The following NRXN3 variants were observed in gnomAD, a reference collection of about 807,000 sequenced individuals.
NRXN3 encodes the protein neurexin 3, also known as neurexin III.
NRXN3 carries 32 observed loss-of-function variants against 137.6 expected under a neutral mutation model. The observed-to-expected ratio is 0.23, with a 90% CI of 0.18 to 0.31. The LOEUF is 0.31. NRXN3 is among the 10% of genes least tolerant of loss of function. The probability of loss-of-function intolerance (pLI) is 1.00; values close to 1 mark genes in which losing one functional copy is unlikely to be tolerated. For synonymous variants in NRXN3, 798 were observed against 784.5 expected, an observed-to-expected ratio of 1.02 and a Z score of -0.29; for missense variants, 1,574 against 2,062.5, an observed-to-expected ratio of 0.76 and a Z score of 4.59.
At chr14:79,412,545 G>C (rs1268416595) in intron 15 of NRXN3, among the ~76,000 whole-genome samples, 1 of 151,866 alleles carries the variant, frequency 6.6e-6, no homozygotes, top group Non-Finnish European at 1.5e-5. Flanking sequence ...TTGGGAGGCT[G>C]AGGTGGGTGG....
chr14:78,836,737 ATTACTT>A (rs375983598), intron 10 of NRXN3, among the ~76,000 whole-genome samples: 1 of 152,296 alleles, frequency 6.6e-6, no homozygotes, highest in East Asian at 1.9e-4. Context: ...TTGCTGCACA[ATTACTT>A]TTATGTATAA....
intron 4 of NRXN3, among the ~76,000 whole-genome samples, chr14:78,298,288 T>G (rs188611413): frequency 2.9e-4 from 44 of 152,364 alleles, no homozygotes; most frequent in Non-Finnish European, 5.3e-4. Flanking sequence ...TGAATTTCCC[T>G]CTGCTTTTTG....
At chr14:79,711,040 A>G (rs1237042816) in intron 19 of NRXN3, among the ~76,000 whole-genome samples, 1 of 152,246 alleles carries the variant, frequency 6.6e-6, no homozygotes, top group African/African-American at 2.4e-5. Context: ...TTCCAAGAAT[A>G]GGGTCTTTAA....
At chr14:78,805,514 C>CA (rs1197455898) in intron 9 of NRXN3, among the ~76,000 whole-genome samples, 1 of 151,276 alleles carries the variant, frequency 6.6e-6, no homozygotes, top group Non-Finnish European at 1.5e-5. Flanking sequence ...ATCCCTGCAC[C>CA]ATCCTACCCA....
chr14:79,719,402 G>GTATATATATGTGTGTGTATATATATATA (rs5741998), intron 19 of NRXN3, among the ~76,000 whole-genome samples: 5 of 142,312 alleles, frequency 3.5e-5, no homozygotes, highest in East Asian at 4.1e-4. Flanking sequence ...ATATATGTGT[G>GTATATATATGTGTGTGTATATATATATA]TATATATATA....
rs190453235 is a variant in NRXN3 at position 79,430,919 on chromosome 14, T to C, written c.3263-36302T>C. 1.4e-3 allele frequency among the ~76,000 whole-genome samples: 220 copies of C among 152,304 alleles called. 1 individual carries two copies. The Middle Eastern group carries it at 0.017, about 12-fold the overall frequency. ...ATTCTGCTGCTTTTATTTTTGAGAA[T>C]CATTTTAACTTACAAACACATATTA... On this transcript the variant is annotated intron_variant, in intron 15 of 20. Coordinates refer to ENST00000335750, the MANE Select transcript of NRXN3 (RefSeq NM_001330195.2).
chr14:78,300,120 T>A (rs908057252), intron 4 of NRXN3, among the ~76,000 whole-genome samples: 17 of 152,262 alleles, frequency 1.1e-4, no homozygotes, highest in African/African-American at 4.1e-4. Context: ...TTCTGTCTGG[T>A]TTCTGCTGAA....
At chr14:78,943,621 AATATATATATATATAT>A (rs60429358) in intron 10 of NRXN3, among the ~76,000 whole-genome samples, 69 of 27,854 alleles carry the variant, frequency 2.5e-3, no homozygotes, top group Non-Finnish European at 2.9e-3. Context: ...AAAAAAAAAA[AATATATATATATATAT>A]ATATATATAT....
rs138024182 is a variant in NRXN3 at position 78,387,033 on chromosome 14, G to A, written c.757+89173G>A. ...CTGACTCAAATGATCCACCCTCCTC[G>A]GCCTCCCAAAATGCTGGGATTACAG... On this transcript the variant is annotated intron_variant, in intron 4 of 20. Coordinates refer to ENST00000335750, the MANE Select transcript of NRXN3 (RefSeq NM_001330195.2). Among the ~76,000 whole-genome samples, 825 of 151,982 alleles carry A rather than the reference G, an allele frequency of 5.4e-3. 7 individuals are homozygous for A. The highest frequency in any genetic ancestry group is 0.019 in the African/African-American group (801 of 41,444).
rs1296291005 is a variant in NRXN3 at position 79,866,215 on chromosome 14, C to T, written c.*4251C>T. The T allele has an allele frequency of 6.6e-6, 1 of 152,124 alleles. No homozygotes were observed. Among genetic ancestry groups the T allele is most frequent in the East Asian group, 1.9e-4 (1 of 5,190 alleles). The allele number at this position is 152,124 out of a possible 1,614,324, so 9.4% of individuals were successfully genotyped here. On this transcript the variant is annotated 3_prime_UTR_variant, in exon 21 of 21. Coordinates refer to ENST00000335750, the MANE Select transcript of NRXN3 (RefSeq NM_001330195.2). ...AAGCCCTGTGTTTGTCCCAGTTGAA[C>T]TAATATCTTGATTATATAGTTTAAG...
At chr14:78,572,922 C>T (rs1489697437) in intron 4 of NRXN3, among the ~76,000 whole-genome samples, 1 of 152,128 alleles carries the variant, frequency 6.6e-6, no homozygotes, top group Non-Finnish European at 1.5e-5. Context: ...TGTGTCCCTA[C>T]CCAAATCTCA....
chr14:79,835,445 A>G (rs1251438456), intron 20 of NRXN3, among the ~76,000 whole-genome samples: 1 of 152,194 alleles, frequency 6.6e-6, no homozygotes, highest in Non-Finnish European at 1.5e-5. Flanking sequence ...TTAATGATAT[A>G]TAAGAATAAT....
chr14:78,912,756 T>C (rs2099242652), intron 10 of NRXN3, among the ~76,000 whole-genome samples: 6 of 152,188 alleles, frequency 3.9e-5, no homozygotes, highest in Admixed American at 3.9e-4. Context: ...GCTTGGAGTT[T>C]CTGAGTGGTT....
intron 4 of NRXN3, among the ~76,000 whole-genome samples, chr14:78,626,753 G>A (rs1300944414): frequency 1.3e-5 from 2 of 152,178 alleles, no homozygotes; most frequent in African/African-American, 4.8e-5. Context: ...AGGAGGCCAG[G>A]TGGTTGGCTC....
intron 14 of NRXN3, among the ~76,000 whole-genome samples, chr14:78,971,177 C>T (rs1388161452): frequency 6.6e-6 from 1 of 152,080 alleles, no homozygotes; most frequent in Non-Finnish European, 1.5e-5. Context: ...GAGCACAAAA[C>T]ACTGGAGACA....
At chr14:79,780,444 C>A (rs1280634397) in intron 19 of NRXN3, among the ~76,000 whole-genome samples, 3 of 146,528 alleles carry the variant, frequency 2.0e-5, no homozygotes, top group Non-Finnish European at 3.0e-5. Flanking sequence ...ACTAAAAATA[C>A]AAAAAAAAAA....
chr14:79,136,439 A>C (rs993445262), intron 15 of NRXN3, among the ~76,000 whole-genome samples: 1 of 152,138 alleles, frequency 6.6e-6, no homozygotes, highest in Non-Finnish European at 1.5e-5. Flanking sequence ...CTTTATATAC[A>C]CTCAAAATGA....
At chr14:78,222,118 C>T (rs2063913378) in intron 1 of NRXN3, among the ~76,000 whole-genome samples, 1 of 152,028 alleles carries the variant, frequency 6.6e-6, no homozygotes, top group Non-Finnish European at 1.5e-5. Context: ...TACACATGGC[C>T]CCAACACAGA....
chr14:78,807,731 T>C (rs1432685028), intron 9 of NRXN3, among the ~76,000 whole-genome samples: 1 of 105,208 alleles, frequency 9.5e-6, no homozygotes, highest in African/African-American at 4.3e-5. Flanking sequence ...TGAGATTCTG[T>C]CTCAAAAAAA....
Sources: gnomAD v4.1 joint callset for allele counts (sites outside exome capture counted in the v4.1 genomes callset) on GRCh38, gnomAD v4.1.1 for gene constraint, MANE v1.5 for transcripts, NCBI Gene and HGNC (gene_info 2026-07-23, HGNC 2026-07-21) for gene names.